Variants in CPN2 observed in about 807,000 individuals in gnomAD.
CPN2 encodes carboxypeptidase N 83 kDa chain.
For missense variants in CPN2, 620 were observed against 671.4 expected, an observed-to-expected ratio of 0.92 and a Z score of 0.85; for synonymous variants, 336 against 318.4, an observed-to-expected ratio of 1.06 and a Z score of -0.59.
chr3:194,341,181 G>T lies in CPN2; in HGVS notation c.1522C>A (p.Pro508Thr). 6.2e-7 allele frequency: 1 copy of T among 1,613,472 alleles called. No homozygotes were observed. Among genetic ancestry groups the T allele is most frequent in the Non-Finnish European group, 8.5e-7 (1 of 1,179,984 alleles). ...QCRWLNVQLSPQQGSLGLQYN... is the reference protein window; with the variant it reads ...QCRWLNVQLSTQQGSLGLQYN... ...TGCAGTCCCAGGGAGCCCTGCTGAG[G>T]AGAGAGCTGGACGTTCAGCCAGCGA... Residue 508 changes from proline (P) to threonine (T), a missense_variant, in exon 2 of 2, where the codon CCT becomes ACT. By Grantham distance (38) the Pro-to-Thr change is conservative (BLOSUM62 -1). Coordinates refer to ENST00000323830, the MANE Select transcript of CPN2 (RefSeq NM_001080513.4).
At chr3:194,342,757 G>T (rs187305881) in intron 1 of CPN2, 52 bp from the exon 2 acceptor site, 1 of 792,798 alleles carries the variant, frequency 1.3e-6, no homozygotes, top group Non-Finnish European at 2.1e-6. Context: ...TCATCACACA[G>T]CATGGCACAG....
At position 194,348,382 on chromosome 3, in the gene CPN2, C is replaced by A. The variant is rs551200169; in HGVS notation, c.-4+2860G>T. Among the ~76,000 whole-genome samples the A allele has an allele frequency of 8.4e-4, 127 of 152,042 alleles. 14 individuals are homozygous for A. The highest frequency in any genetic ancestry group is 2.9e-3 in the African/African-American group (118 of 41,400). On this transcript the variant is annotated intron_variant, in intron 1 of 1. Coordinates refer to ENST00000323830, the MANE Select transcript of CPN2 (RefSeq NM_001080513.4). ...GGGAGTGAAGCCACCTCTCAGAGTC[C>A]CAGTCTGCGACTGTAAACCAAGAAC...
intron 1 of CPN2, among the ~76,000 whole-genome samples, chr3:194,347,791 C>A (rs1713105869): frequency 9.3e-6 from 1 of 107,352 alleles, no homozygotes; most frequent in Non-Finnish European, 1.9e-5. Flanking sequence ...TTCAGCCCAC[C>A]CCATCCGCTG....
At position 194,348,805 on chromosome 3, in the gene CPN2, C is replaced by T. The variant is rs575771157; in HGVS notation, c.-4+2437G>A. Among the ~76,000 whole-genome samples, 16 of 151,436 alleles carry T rather than the reference C, an allele frequency of 1.1e-4. No individual in the cohort carries two copies. In the East Asian group the frequency reaches 1.8e-3, roughly 17 times the overall value. ...TACTCGAGAGGCTGAGGTGGGAGGA[C>T]GGCTTGAGACTGGGAGGTCGAGGCT... is the stretch of plus-strand genomic sequence containing the variant. On this transcript the variant is annotated intron_variant, in intron 1 of 1. Transcript: ENST00000323830.
chr3:194,349,775 C>CTCCTTTTTTTTTTTTTTTTTTTTT (rs1560039930), intron 1 of CPN2, among the ~76,000 whole-genome samples: 1 of 83,782 alleles, frequency 1.2e-5, no homozygotes, highest in African/African-American at 4.6e-5. Context: ...TGACTACCCT[C>CTCCTTTTTTTTTTTTTTTTTTTTT]TTCTTTTTTT....
intron 1 of CPN2, among the ~76,000 whole-genome samples, chr3:194,349,377 G>A (rs928258624): frequency 3.3e-5 from 5 of 152,118 alleles, no homozygotes; most frequent in African/African-American, 1.2e-4. Flanking sequence ...AAAAAAATTT[G>A]TAGTCATTAC....
At chr3:194,350,878 G>A (rs4974525) in intron 1 of CPN2, among the ~76,000 whole-genome samples, 1 of 151,032 alleles carries the variant, frequency 6.6e-6, no homozygotes, top group South Asian at 2.1e-4. Flanking sequence ...ATTAATATAG[G>A]ATTAATAAGT....
chr3:194,341,564 A>C lies in CPN2; in HGVS notation c.1139T>G (p.Ile380Ser). ...KNQLTTLPEG[I>S]FDTNYNLFNL... is the part of the protein sequence containing the mutation. ...GAACAGGTTGTAGTTGGTGTCGAAG[A>C]TGCCCTCCGGAAGTGTGGTCAGCTG... Residue 380 changes from isoleucine to serine, a missense_variant, in exon 2 of 2, where the codon ATC (isoleucine) becomes AGC (serine). By Grantham distance (142) the Ile-to-Ser change is moderately radical (BLOSUM62 -2). Transcript: ENST00000323830. The C allele has an allele frequency of 1.2e-6, 2 of 1,614,114 alleles. No individual in the cohort carries two copies. Among genetic ancestry groups the C allele is most frequent in the South Asian group, 2.2e-5 (2 of 91,084 alleles).
intron 1 of CPN2, among the ~76,000 whole-genome samples, chr3:194,344,303 A>G (rs573035809): frequency 6.6e-6 from 1 of 152,328 alleles, no homozygotes; most frequent in African/African-American, 2.4e-5. Flanking sequence ...GAAAATGCAC[A>G]CCTTCCTTTA....
Position 194,341,573 on chromosome 3 carries a change from G to A in CPN2, c.1130C>T (p.Pro377Leu), listed in dbSNP as rs116418749. ...GTAGTTGGTGTCGAAGATGCCCTCC[G>A]GAAGTGTGGTCAGCTGGTTCTTGGA... ...SLSKNQLTTL[P>L]EGIFDTNYNL... The change falls in exon 2 of 2, where the codon CCG (proline) becomes CTG (leucine). Residue 377 changes from proline (P) to leucine (L), a missense_variant. Pro to Leu is a moderately conservative substitution (Grantham distance 98, BLOSUM62 -3). Transcript: ENST00000323830. The A allele has an allele frequency of 3.7e-6, 6 of 1,614,180 alleles. No individual in the cohort carries two copies. The highest frequency in any genetic ancestry group is 2.2e-5 in the South Asian group (2 of 91,080).
intron 1 of CPN2, among the ~76,000 whole-genome samples, chr3:194,344,597 A>C (rs1476362067): frequency 2.0e-5 from 3 of 152,226 alleles, no homozygotes; most frequent in Non-Finnish European, 4.4e-5. Flanking sequence ...CGGGAGGCTG[A>C]GGCAGGAGAA....
chr3:194,348,445 C>T (rs768195946), intron 1 of CPN2, among the ~76,000 whole-genome samples: 3 of 152,156 alleles, frequency 2.0e-5, no homozygotes, highest in Non-Finnish European at 4.4e-5. Context: ...ACCTCAGTCC[C>T]GGCATGGTTA....
Position 194,341,747 on chromosome 3 carries a change from A to C in CPN2, c.956T>G (p.Met319Arg). The stretch of plus-strand genomic sequence containing the variant: ...GTGGGTAATGGCATTGTATGAGAGC[A>C]TGAGGGAACGCAGGTTGGACAGGTG... ...FAHLSNLRSL[M>R]LSYNAITHLP... Residue 319 changes from methionine (M) to arginine (R), a missense_variant, in exon 2 of 2, where the codon ATG becomes AGG. Coordinates refer to ENST00000323830, the MANE Select transcript of CPN2 (RefSeq NM_001080513.4). The C allele has an allele frequency of 6.2e-7, 1 of 1,614,114 alleles. No individual in the cohort carries two copies. The highest frequency in any genetic ancestry group is 2.2e-5 in the East Asian group (1 of 44,878).
At position 194,341,605 on chromosome 3, in the gene CPN2, G is replaced by A. The variant is rs767723784; in HGVS notation, c.1098C>T (p.Leu366=). 3.1e-6 allele frequency: 5 copies of A among 1,614,196 alleles called. No individual in the cohort carries two copies. The highest frequency in any genetic ancestry group is 3.4e-6 in the Non-Finnish European group (4 of 1,180,034). ...LFQNLSKLEL[L]SLSKNQLTTL... ...TGGTCAGCTGGTTCTTGGAGAGGCT[G>A]AGCAGCTCCAGCTTGGACAGGTTCT... Residue 366 remains leucine, a synonymous_variant, in exon 2 of 2, where the codon CTC becomes CTT. Coordinates refer to ENST00000323830, the MANE Select transcript of CPN2 (RefSeq NM_001080513.4).
chr3:194,341,454 G>C lies in CPN2; in HGVS notation c.1249C>G (p.Leu417Val). The C allele has an allele frequency of 6.2e-7, 1 of 1,614,230 alleles. No homozygotes were observed. The stretch of plus-strand genomic sequence containing the variant: ...GCGCAGTAGGTCTGGATGTTCAGGA[G>C]CCGATCGGTGTACTGCTGCAGCCAG... The part of the protein sequence containing the change: ...FNWLQQYTDR[L>V]LNIQTYCAGP... The change falls in exon 2 of 2, where the codon CTC becomes GTC. Residue 417 changes from leucine to valine, a missense_variant. Physicochemically the swap from Leu to Val is conservative, Grantham distance 32. Transcript: ENST00000323830.
chr3:194,349,775 C>CTTTTT (rs1560039932), intron 1 of CPN2, among the ~76,000 whole-genome samples: 1 of 83,782 alleles, frequency 1.2e-5, no homozygotes, highest in African/African-American at 4.6e-5. Context: ...TGACTACCCT[C>CTTTTT]TTCTTTTTTT....
Position 194,341,026 on chromosome 3 carries a change from C to G in CPN2, c.*39G>C. On this transcript the variant is annotated 3_prime_UTR_variant, in exon 2 of 2. Transcript: ENST00000323830. ...GCCCCTACCTGTCGCCTGGTCAGGCCCCAGAGGCCCCCTTCCCCAGCTCCT... is the reference window on the plus strand; with the variant it reads ...GCCCCTACCTGTCGCCTGGTCAGGCGCCAGAGGCCCCCTTCCCCAGCTCCT... 6.5e-7 allele frequency: 1 copy of G among 1,544,342 alleles called. No homozygotes were observed. The highest frequency in any genetic ancestry group is 8.7e-7 in the Non-Finnish European group (1 of 1,144,254).
chr3:194,344,513 G>A (rs1712980257), intron 1 of CPN2, among the ~76,000 whole-genome samples: 1 of 152,092 alleles, frequency 6.6e-6, no homozygotes, highest in African/African-American at 2.4e-5. Flanking sequence ...TGGCCAAGAT[G>A]GTGAAACCTG....
chr3:194,345,046 C>G (rs556797454), intron 1 of CPN2, among the ~76,000 whole-genome samples: 2 of 152,314 alleles, frequency 1.3e-5, no homozygotes, highest in East Asian at 3.9e-4. Context: ...GGAAGAAGGA[C>G]CTGGAGGTAC....
Sources: allele counts gnomAD v4.1 joint callset (sites outside exome capture counted in the v4.1 genomes callset), GRCh38; gene constraint gnomAD v4.1.1; transcripts MANE v1.5; gene names NCBI Gene and HGNC (gene_info 2026-07-23, HGNC 2026-07-21).